RTF2: variants seen among roughly 807,000 people sequenced by gnomAD.
RTF2 encodes UPF0549 protein C20orf43.
Under a neutral mutation model 38.0 loss-of-function variants are expected in RTF2, and 18 were observed. The observed-to-expected ratio is 0.47, with a 90% CI of 0.33 to 0.70. The LOEUF (loss-of-function observed/expected upper bound fraction) is 0.70. Ranked by LOEUF, RTF2 falls within the 30% of genes least tolerant of loss-of-function variation. The pLI, the probability that RTF2 is intolerant of heterozygous loss-of-function variation, is 0.02. For synonymous variants in RTF2, 126 were observed against 137.1 expected, an observed-to-expected ratio of 0.92 and a Z score of 0.57; for missense variants, 311 against 379.6, an observed-to-expected ratio of 0.82 and a Z score of 1.50.
At chr20:56,474,075 A>G (rs1982110229) in intron 2 of RTF2, among the ~76,000 whole-genome samples, 1 of 152,084 alleles carries the variant, frequency 6.6e-6, no homozygotes, top group South Asian at 2.1e-4. Context: ...TCTGGTTTTA[A>G]TTTTTTTAAA....
chr20:56,469,923 T>TAC (rs1392497790), intron 1 of RTF2, among the ~76,000 whole-genome samples: 15 of 152,326 alleles, frequency 9.8e-5, no homozygotes, highest in African/African-American at 3.6e-4. Context: ...TCATTCAGTT[T>TAC]TTTACTCAAA....
At chr20:56,509,624 A>G (rs1197198050) in intron 5 of RTF2, among the ~76,000 whole-genome samples, 3 of 151,844 alleles carry the variant, frequency 2.0e-5, no homozygotes, top group Non-Finnish European at 4.4e-5. Flanking sequence ...AAAAAAAAAA[A>G]AAAGAAAAAC....
chr20:56,473,231 T>C (rs1982061812), intron 1 of RTF2, 70 bp from the exon 2 acceptor site: 5 of 1,123,508 alleles, frequency 4.5e-6, no homozygotes, highest in Non-Finnish European at 6.7e-6. Context: ...GAATATACTT[T>C]TATATGTAGA....
Position 56,474,843 on chromosome 20 carries a change from G to T in RTF2, c.258+72G>T, listed in dbSNP as rs372502597. On this transcript the variant is annotated intron_variant, in intron 3 of 8. Transcript: ENST00000357348. ...GAGGTTTATTTTATAGAATTTATACGCCTTAAAGACTGAACTCAGAAATTT... is the reference window on the plus strand; with the variant it reads ...GAGGTTTATTTTATAGAATTTATACTCCTTAAAGACTGAACTCAGAAATTT... 5.0e-6 allele frequency: 5 copies of T among 994,382 alleles called. No homozygotes were observed. In the African/African-American group the frequency reaches 8.2e-5, roughly 16 times the overall value. 61.6% of individuals were successfully genotyped at this position (994,382 alleles called of 1,614,324 possible).
At chr20:56,478,101 C>T (rs929361629) in intron 4 of RTF2, among the ~76,000 whole-genome samples, 6 of 152,156 alleles carry the variant, frequency 3.9e-5, no homozygotes, top group African/African-American at 1.2e-4. Context: ...AGTCATACCT[C>T]GGAGATATTG....
intron 6 of RTF2, among the ~76,000 whole-genome samples, chr20:56,514,627 G>A (rs1984903864): frequency 2.0e-5 from 3 of 152,250 alleles, no homozygotes; most frequent in South Asian, 2.1e-4. Flanking sequence ...TGTGTAATTC[G>A]TGGTTGTGAG....
chr20:56,480,717 A>G (rs891774427), intron 4 of RTF2, among the ~76,000 whole-genome samples: 1 of 152,218 alleles, frequency 6.6e-6, no homozygotes, highest in Middle Eastern at 3.2e-3. Flanking sequence ...CAATTGGCCT[A>G]ATTTCAATAT....
intron 5 of RTF2, among the ~76,000 whole-genome samples, chr20:56,494,108 G>A (rs1236453635): frequency 1.3e-5 from 2 of 152,070 alleles, no homozygotes; most frequent in African/African-American, 2.4e-5. Context: ...GCTCGGACCC[G>A]GAAGATTTAC....
chr20:56,476,525 GT>G (rs995828206), intron 3 of RTF2, among the ~76,000 whole-genome samples: 9 of 147,892 alleles, frequency 6.1e-5, no homozygotes, highest in Non-Finnish European at 1.2e-4. Flanking sequence ...TTGAGACGGA[GT>G]TTTGCTCTTG....
At position 56,506,705 on chromosome 20, in the gene RTF2, A is replaced by ATT. The variant is rs543477984; in HGVS notation, c.478-6600_478-6599dup. On this transcript the variant is annotated intron_variant, in intron 5 of 8. Coordinates refer to ENST00000357348, the MANE Select transcript of RTF2 (RefSeq NM_016407.5). Reference sequence around the variant, plus strand: ...TCTTCCTTTTTGGGAATGTATTATAATTTTTTTTTTTGAGAGAGAGAGTCT... The same window carrying ATT: ...TCTTCCTTTTTGGGAATGTATTATAATTTTTTTTTTTTTGAGAGAGAGAGTCT... Among the ~76,000 whole-genome samples the ATT allele has an allele frequency of 3.8e-4, 57 of 148,876 alleles. 1 individual carries two copies. The East Asian group carries it at 0.01, about 27-fold the overall frequency.
intron 1 of RTF2, among the ~76,000 whole-genome samples, 197 bp downstream of exon 1, chr20:56,468,963 G>A (rs182520745): frequency 1.3e-5 from 2 of 152,284 alleles, no homozygotes; most frequent in Admixed American, 6.5e-5. Context: ...CCATTCACTG[G>A]ACAGTAATCT....
intron 5 of RTF2, among the ~76,000 whole-genome samples, chr20:56,499,269 T>C (rs886770450): frequency 6.7e-6 from 1 of 149,834 alleles, no homozygotes; most frequent in East Asian, 2.0e-4. Flanking sequence ...CGATCTCGGC[T>C]CACCACAATC....
chr20:56,489,268 A>C (rs1229734803), intron 5 of RTF2, among the ~76,000 whole-genome samples: 1 of 144,720 alleles, frequency 6.9e-6, no homozygotes, highest in Non-Finnish European at 1.5e-5. Context: ...GTTTCACCAT[A>C]TTGGCCAGGC....
intron 5 of RTF2, among the ~76,000 whole-genome samples, chr20:56,507,679 AAGC>A (rs1568709191): frequency 6.6e-6 from 1 of 152,182 alleles, no homozygotes; most frequent in Non-Finnish European, 1.5e-5. Context: ...TGATAGAAAG[AAGC>A]AGCAGCAGAA....
intron 5 of RTF2, among the ~76,000 whole-genome samples, chr20:56,484,781 C>CGCT (rs1982702620): frequency 6.6e-6 from 1 of 152,180 alleles, no homozygotes; most frequent in Non-Finnish European, 1.5e-5. Context: ...GCTTTAATGG[C>CGCT]GCTGCTGCTG....
At chr20:56,509,753 A>G (rs1453439955) in intron 5 of RTF2, among the ~76,000 whole-genome samples, 1 of 152,204 alleles carries the variant, frequency 6.6e-6, no homozygotes, top group African/African-American at 2.4e-5. Context: ...GTTCCTCCAA[A>G]GGTTAAACAT....
chr20:56,468,733 T>A lies in RTF2; in HGVS notation c.36T>A (p.His12Gln). 6.3e-7 allele frequency: 1 copy of A among 1,590,212 alleles called. No individual in the cohort carries two copies. The highest frequency in any genetic ancestry group is 8.6e-7 in the Non-Finnish European group (1 of 1,168,592). ...ACGGGGGAACAATCCCCAAGAGGCA[T>A]GAACTGGTGAAGGGGCCGAAGAAGG... The part of the protein sequence containing the change: ...GCDGGTIPKR[H>Q]ELVKGPKKVE... The change falls in exon 1 of 9, where the codon CAT becomes CAA. Residue 12 changes from histidine (H) to glutamine (Q), a missense_variant. Coordinates refer to ENST00000357348, the MANE Select transcript of RTF2 (RefSeq NM_016407.5).
rs1568714446 is a variant in RTF2, at chr20:56,516,778, G to A, written c.592-157G>A. 7 of 702,382 alleles carry A rather than the reference G, an allele frequency of 1.0e-5. No individual in the cohort carries two copies. In the South Asian group the frequency reaches 1.2e-4, roughly 12 times the overall value. 43.5% of individuals were successfully genotyped at this position (702,382 alleles called of 1,614,324 possible). A position where few individuals can be genotyped will look rare whatever the true frequency, so the allele number is the denominator to read the frequency against. ...CATGCAGAGGGTGAAGGCTTTAGGA[G>A]TTACGGAACATCAAAAGCCTTCTTC... is the stretch of plus-strand genomic sequence containing the variant. On this transcript the variant is annotated intron_variant, in intron 6 of 8. Transcript: ENST00000357348.
intron 2 of RTF2, 61 bp downstream of exon 2, chr20:56,473,456 T>C (rs1402821228): frequency 8.2e-7 from 1 of 1,214,018 alleles, no homozygotes; most frequent in Non-Finnish European, 1.2e-6. Flanking sequence ...TTTTGATGTG[T>C]AAATGCAGTT....
Sources: gnomAD v4.1 joint callset for allele counts (sites outside exome capture counted in the v4.1 genomes callset) on GRCh38, gnomAD v4.1.1 for gene constraint, MANE v1.5 for transcripts, NCBI Gene and HGNC (gene_info 2026-07-23, HGNC 2026-07-21) for gene names.